Variants in PTPRF observed in about 807,000 individuals in gnomAD.
PTPRF encodes the protein receptor-type tyrosine-protein phosphatase F.
PTPRF carries 59 observed loss-of-function variants against 201.8 expected under a neutral mutation model. The ratio of observed to expected loss-of-function variants is 0.29; its 90% confidence interval spans 0.24 to 0.36. The LOEUF (loss-of-function observed/expected upper bound fraction) is 0.36, where lower values mean the gene tolerates loss of function less well. PTPRF is among the 10% of genes least tolerant of loss of function. PTPRF has a pLI of 1.00. For missense variants in PTPRF, 2,132 were observed against 2,690.5 expected (o/e 0.79, Z 4.59); for synonymous variants, 1,088 against 1,089.7 (o/e 1.00, Z 0.03).
chr1:43,605,632 G>C lies in PTPRF; in HGVS notation c.3483+10G>C. 4.3e-6 allele frequency: 7 copies of C among 1,613,240 alleles called. No homozygotes were observed. The highest frequency in any genetic ancestry group is 5.9e-6 in the Non-Finnish European group (7 of 1,179,396). On this transcript the variant is annotated intron_variant, in intron 19 of 33. Transcript: ENST00000359947. ...ACTGGAGCTGGACGAGGTACCTGGG[G>C]AGGGGATGGGGACACTGACAGCCCC...
intron 2 of PTPRF, among the ~76,000 whole-genome samples, chr1:43,540,944 G>A (rs1018791479): frequency 2.0e-5 from 3 of 152,250 alleles, no homozygotes; most frequent in Non-Finnish European, 4.4e-5. Flanking sequence ...GCCTGTTTCC[G>A]CCTCCGCGGC....
At chr1:43,528,297 T>A (rs1437162070), upstream of PTPRF, among the ~76,000 whole-genome samples, 1 of 152,184 alleles carries the variant, frequency 6.6e-6, no homozygotes, top group Non-Finnish European at 1.5e-5. Context: ...CAAGCAATTC[T>A]CCTGCCCCAG....
chr1:43,606,825 C>T lies in PTPRF; in HGVS notation c.3714C>T (p.Ala1238=). 1 of 1,613,816 alleles carries T rather than the reference C, an allele frequency of 6.2e-7. No homozygotes were observed. Among genetic ancestry groups the T allele is most frequent in the Non-Finnish European group, 8.5e-7 (1 of 1,179,994 alleles). The change falls in exon 21 of 34, where the codon GCC becomes GCT. Residue 1238 remains alanine, a synonymous_variant. Coordinates refer to ENST00000359947, the MANE Select transcript of PTPRF (RefSeq NM_002840.5). ...LKEPMDQKRY[A]SSPYSDEIVV... ...CCACCGGGCCACAGAAGCGCTATGCCTCCAGCCCCTACTCGGATGAGATCG... is the reference window on the plus strand; with the variant it reads ...CCACCGGGCCACAGAAGCGCTATGCTTCCAGCCCCTACTCGGATGAGATCG...
Position 43,591,953 on chromosome 1 carries a change from G to T in PTPRF, c.1668+5G>T. 6.2e-7 allele frequency: 1 copy of T among 1,613,518 alleles called. No individual in the cohort carries two copies. On this transcript the variant is annotated splice_donor_5th_base_variant and intron_variant, in intron 10 of 33. Coordinates refer to ENST00000359947, the MANE Select transcript of PTPRF (RefSeq NM_002840.5). ...GCAGAGGACGAAGACCAACAGGTGTGCAGCGGGCAGAGAAGCACTGAGGGG... is the reference window on the plus strand; with the variant it reads ...GCAGAGGACGAAGACCAACAGGTGTTCAGCGGGCAGAGAAGCACTGAGGGG...
At chr1:43,584,986 C>T (rs952974297) in intron 7 of PTPRF, among the ~76,000 whole-genome samples, 7 of 152,364 alleles carry the variant, frequency 4.6e-5, no homozygotes, top group Admixed American at 3.9e-4. Flanking sequence ...TTAAAAGTTA[C>T]AGCTGAAATA....
chr1:43,605,164 T>C, intron 17 of PTPRF, 26 bp from the exon 18 acceptor site: 1 of 1,581,558 alleles, frequency 6.3e-7, no homozygotes, highest in Non-Finnish European at 8.6e-7. Flanking sequence ...CCCAAAGGCA[T>C]TGATTGCCCC....
At chr1:43,594,853 C>G (rs1170892483) in intron 11 of PTPRF, among the ~76,000 whole-genome samples, 1 of 152,130 alleles carries the variant, frequency 6.6e-6, no homozygotes. Context: ...CTGTGGGAAT[C>G]CAGGGCTGGG....
At position 43,546,143 on chromosome 1, in the gene PTPRF, T is replaced by C. The variant is rs1022812280; in HGVS notation, c.91+977T>C. Among the ~76,000 whole-genome samples, 17 of 152,208 alleles carry C rather than the reference T, an allele frequency of 1.1e-4. No individual in the cohort carries two copies. Among genetic ancestry groups the C allele is most frequent in the Non-Finnish European group, 2.2e-4 (15 of 68,026 alleles). On this transcript the variant is annotated intron_variant, in intron 3 of 33. Coordinates refer to ENST00000359947, the MANE Select transcript of PTPRF (RefSeq NM_002840.5). The surrounding 1 kb of genome is among the most constrained non-coding windows in gnomAD (Gnocchi z 4.2). ...GCTCCCCCACCTGCCTCCGTATCTC[T>C]GGGTACAGATCTCTCCCCTTGCCCC... is the stretch of plus-strand genomic sequence containing the variant.
At chr1:43,552,028 T>C (rs1224485462) in intron 3 of PTPRF, among the ~76,000 whole-genome samples, 1 of 152,030 alleles carries the variant, frequency 6.6e-6, no homozygotes, top group Non-Finnish European at 1.5e-5. Context: ...TGCCGTCCCT[T>C]CTCTGCTGGA....
At chr1:43,591,672 C>A in intron 9 of PTPRF, 119 bp downstream of exon 9, 1 of 1,438,456 alleles carries the variant, frequency 7.0e-7, no homozygotes. Flanking sequence ...GATCAAGGTG[C>A]CGTATTCCAT....
intron 7 of PTPRF, among the ~76,000 whole-genome samples, chr1:43,584,833 T>G (rs1489339344): frequency 1.3e-5 from 2 of 152,238 alleles, no homozygotes; most frequent in Non-Finnish European, 2.9e-5. Flanking sequence ...TGTTGTGTTA[T>G]TTTCATCAGA....
chr1:43,566,096 C>T (rs1320959738), intron 5 of PTPRF, among the ~76,000 whole-genome samples: 2 of 152,174 alleles, frequency 1.3e-5, no homozygotes, highest in Non-Finnish European at 2.9e-5. Flanking sequence ...GGCGCGTGTG[C>T]GGGGCTCTGC....
At chr1:43,586,604 C>T (rs554832345) in intron 7 of PTPRF, among the ~76,000 whole-genome samples, 2 of 152,344 alleles carry the variant, frequency 1.3e-5, no homozygotes, top group East Asian at 1.9e-4. Context: ...CCACTTATAC[C>T]AGCGTAAGCA....
chr1:43,562,645 C>T (rs925874911), intron 5 of PTPRF, among the ~76,000 whole-genome samples: 4 of 151,902 alleles, frequency 2.6e-5, no homozygotes, highest in Non-Finnish European at 5.9e-5. Context: ...CTCCTGACCT[C>T]AAGTGATTTG....
At chr1:43,592,398 A>G in intron 10 of PTPRF, 59 bp from the exon 11 acceptor site, 1 of 1,550,726 alleles carries the variant, frequency 6.4e-7, no homozygotes, top group Non-Finnish European at 8.7e-7. Flanking sequence ...ATGTTGGGGA[A>G]CAACCTGTGA....
At chr1:43,567,687 C>T (rs1020179014) in intron 5 of PTPRF, among the ~76,000 whole-genome samples, 7 of 152,210 alleles carry the variant, frequency 4.6e-5, no homozygotes, top group African/African-American at 1.4e-4. Context: ...CTACCCGCCC[C>T]CCAGTCGCTC....
chr1:43,540,822 T>G (rs1644316241), intron 2 of PTPRF, among the ~76,000 whole-genome samples: 1 of 152,242 alleles, frequency 6.6e-6, no homozygotes, highest in Admixed American at 6.5e-5. Context: ...AGGCCCCTCC[T>G]TCCCTGGGTC....
At chr1:43,602,270 A>C (rs1236331742) in intron 14 of PTPRF, among the ~76,000 whole-genome samples, 173 bp downstream of exon 14, 24 of 152,202 alleles carry the variant, frequency 1.6e-4, no homozygotes. Flanking sequence ...AGCGATTGGC[A>C]TTTCCTCTAA....
intron 1 of PTPRF, among the ~76,000 whole-genome samples, chr1:43,532,321 G>A (rs985499096): frequency 6.6e-6 from 1 of 152,204 alleles, no homozygotes; most frequent in Non-Finnish European, 1.5e-5. Context: ...GGTGGGGAGC[G>A]CTACCTGCCT....
Sources: gnomAD v4.1 joint callset for allele counts (sites outside exome capture counted in the v4.1 genomes callset) on GRCh38, gnomAD v4.1.1 for gene constraint, Gnocchi (gnomAD v3.1) non-coding constraint, MANE v1.5 for transcripts, NCBI Gene and HGNC (gene_info 2026-07-23, HGNC 2026-07-21) for gene names.